PGM5: variants seen among roughly 807,000 people sequenced by gnomAD.
PGM5 encodes the protein phosphoglucomutase-like protein 5.
In PGM5, 23 loss-of-function variants were observed where a neutral mutation model predicts 59.2. That is an observed-to-expected ratio of 0.39 (90% confidence interval 0.28 to 0.55). PGM5 has a LOEUF of 0.55. Among genes scored for constraint, PGM5 ranks in the 20% least tolerant of loss-of-function variants. The pLI is 0.66. For missense variants in PGM5, 574 were observed against 748.3 expected (o/e 0.77, Z 2.72); for synonymous variants, 214 against 286.0 (o/e 0.75, Z 2.54).
chr9:68,445,726 T>C (rs965598401), intron 6 of PGM5, among the ~76,000 whole-genome samples: 9 of 152,338 alleles, frequency 5.9e-5, no homozygotes, highest in East Asian at 5.8e-4. Context: ...ATTCTATGTA[T>C]TTGGGCTCAG....
chr9:68,517,442 C>G (rs1824839685), intron 10 of PGM5, among the ~76,000 whole-genome samples: 1 of 152,116 alleles, frequency 6.6e-6, no homozygotes, highest in African/African-American at 2.4e-5. Context: ...AAAATTTATA[C>G]TTATTAATAT....
intron 2 of PGM5, 48 bp downstream of exon 2, chr9:68,378,409 A>G (rs781875735): frequency 4.0e-6 from 6 of 1,516,922 alleles, no homozygotes; most frequent in South Asian, 1.3e-5. Flanking sequence ...CTTTCCTCTT[A>G]TATTATTATA....
chr9:68,514,353 G>C, intron 10 of PGM5, among the ~76,000 whole-genome samples: 1 of 152,118 alleles, frequency 6.6e-6, no homozygotes, highest in African/African-American at 2.4e-5. Context: ...TCCAATCCCA[G>C]CACTTTGGGA....
rs1214673425 is a variant in PGM5, at chr9:68,465,158, T to C, written c.1109T>C (p.Leu370Pro). The C allele has an allele frequency of 1.2e-6, 2 of 1,613,458 alleles. No individual in the cohort carries two copies. Among genetic ancestry groups the C allele is most frequent in the Non-Finnish European group, 1.7e-6 (2 of 1,179,564 alleles). Residue 370 changes from leucine (L) to proline (P), a missense_variant, in exon 7 of 11, where the codon CTG (leucine) becomes CCG (proline). This residue lies in a region of PGM5 where 300 missense variants were observed against 280.0 expected (regional missense o/e 1.07). Coordinates refer to ENST00000396396, the MANE Select transcript of PGM5 (RefSeq NM_021965.4). ...TPAGWRFFSN[L>P]MDSGRCNLCG... ...GCTGGATGGAGATTCTTCTCAAATCTGATGGACTCAGGACGTTGCAATCTG... is the reference window on the plus strand; with the variant it reads ...GCTGGATGGAGATTCTTCTCAAATCCGATGGACTCAGGACGTTGCAATCTG...
At chr9:68,469,783 G>T (rs1331098980) in intron 7 of PGM5, among the ~76,000 whole-genome samples, 7 of 152,338 alleles carry the variant, frequency 4.6e-5, no homozygotes, top group African/African-American at 1.2e-4. Flanking sequence ...AGGATGAATG[G>T]GAGAAGGGAA....
intron 6 of PGM5, among the ~76,000 whole-genome samples, chr9:68,446,867 C>T (rs1474676502): frequency 6.6e-6 from 1 of 152,186 alleles, no homozygotes; most frequent in Admixed American, 6.5e-5. Flanking sequence ...TCTGGTAAAA[C>T]ATCCTCCCAT....
At chr9:68,488,691 C>G (rs1020139462) in intron 9 of PGM5, among the ~76,000 whole-genome samples, 1 of 152,184 alleles carries the variant, frequency 6.6e-6, no homozygotes, top group Non-Finnish European at 1.5e-5. Context: ...GTGCTTTCCA[C>G]TATACAGGGC....
chr9:68,410,910 T>G (rs1420478423), intron 6 of PGM5, among the ~76,000 whole-genome samples: 6 of 152,220 alleles, frequency 3.9e-5, no homozygotes, highest in African/African-American at 1.4e-4. Flanking sequence ...GCCTCAGCAA[T>G]GTCTTCAAGG....
intron 1 of PGM5, among the ~76,000 whole-genome samples, chr9:68,370,308 AAG>A (rs2308252): frequency 0.041 from 6,172 of 152,020 alleles, 134 homozygotes; most frequent in East Asian, 0.12. Context: ...TTAAAGCTAA[AAG>A]AGAATCACAA....
chr9:68,463,008 C>A (rs1554685528), intron 6 of PGM5, among the ~76,000 whole-genome samples: 1 of 151,952 alleles, frequency 6.6e-6, no homozygotes, highest in East Asian at 1.9e-4. Flanking sequence ...TTTCTTAAAC[C>A]ATTGAAAAAG....
chr9:68,520,089 C>CAA (rs34710126), intron 10 of PGM5, among the ~76,000 whole-genome samples: 2,515 of 128,946 alleles, frequency 0.02, 39 homozygotes, highest in African/African-American at 0.038. Context: ...GACCCTGTCT[C>CAA]AAAAAAAAAA....
intron 10 of PGM5, among the ~76,000 whole-genome samples, chr9:68,500,733 G>A (rs782761150): frequency 3.3e-5 from 5 of 152,208 alleles, no homozygotes; most frequent in Admixed American, 6.5e-5. Flanking sequence ...CCAGAGCTAC[G>A]TACGTGAGGA....
At chr9:68,381,640 GCACA>G (rs4014841) in intron 2 of PGM5, among the ~76,000 whole-genome samples, 52 of 145,334 alleles carry the variant, frequency 3.6e-4, no homozygotes, top group Non-Finnish European at 6.5e-4. Flanking sequence ...TTCTACACAT[GCACA>G]CACACACACA....
At chr9:68,358,633 C>T (rs1554676007) in intron 1 of PGM5, among the ~76,000 whole-genome samples, 2 of 152,064 alleles carry the variant, frequency 1.3e-5, no homozygotes, top group African/African-American at 4.8e-5. Flanking sequence ...CCTTCCTTCC[C>T]AACCCTCTCC....
chr9:68,470,366 T>C (rs1824000851), intron 7 of PGM5, among the ~76,000 whole-genome samples: 1 of 152,232 alleles, frequency 6.6e-6, no homozygotes, highest in Non-Finnish European at 1.5e-5. Flanking sequence ...ACTTTGTGAA[T>C]GAGCACTTTA....
At chr9:68,397,423 G>A (rs1822539409) in intron 6 of PGM5, 1 of 152,142 alleles carries the variant, frequency 6.6e-6, no homozygotes, top group Admixed American at 6.6e-5. Context: ...TAGCATCCTT[G>A]AATACATCCC....
chr9:68,496,785 A>G (rs938845947), intron 9 of PGM5: 2 of 152,238 alleles, frequency 1.3e-5, no homozygotes, highest in African/African-American at 4.8e-5. Flanking sequence ...CTCACTGGCC[A>G]AAAATGAATC....
chr9:68,455,838 A>G (rs1554684765), intron 6 of PGM5, among the ~76,000 whole-genome samples: 2 of 152,254 alleles, frequency 1.3e-5, no homozygotes, highest in Non-Finnish European at 1.5e-5. Flanking sequence ...AATATGGACT[A>G]TTGATGAAGA....
intron 6 of PGM5, among the ~76,000 whole-genome samples, chr9:68,408,999 T>C (rs1822873370): frequency 6.6e-6 from 1 of 152,128 alleles, no homozygotes; most frequent in Admixed American, 6.6e-5. Context: ...TAGTTTGAAG[T>C]CAGGTAGTGT....
Sources: gnomAD v4.1 joint callset for allele counts (sites outside exome capture counted in the v4.1 genomes callset) on GRCh38, gnomAD v4.1.1 for gene constraint, gnomAD v4.1.1 regional missense constraint, MANE v1.5 for transcripts, NCBI Gene and HGNC (gene_info 2026-07-23, HGNC 2026-07-21) for gene names.